ADAMTS20: variants seen among roughly 807,000 people sequenced by gnomAD.
ADAMTS20 encodes A disintegrin and metalloproteinase with thrombospondin motifs 20.
In ADAMTS20, 225 loss-of-function variants were observed where a neutral mutation model predicts 260.1. That is an observed-to-expected ratio of 0.87 (90% CI 0.78 to 0.97). ADAMTS20 has a LOEUF of 0.97. ADAMTS20 is among the 50% of genes least tolerant of loss of function. The pLI is 0.00. For synonymous variants in ADAMTS20, 802 were observed against 769.5 expected, an observed-to-expected ratio of 1.04 and a Z score of -0.70; for missense variants, 2,400 against 2,337.7, an observed-to-expected ratio of 1.03 and a Z score of -0.55.
rs574379380 is a variant in ADAMTS20, at chr12:43,371,475, A to AG, written c.5447-2095dup. Among the ~76,000 whole-genome samples the AG allele has an allele frequency of 2.6e-5, 4 of 152,324 alleles. No homozygotes were observed. In the South Asian group the frequency reaches 8.3e-4, roughly 32 times the overall value. On this transcript the variant is annotated intron_variant, in intron 36 of 38. Coordinates refer to ENST00000389420, the MANE Select transcript of ADAMTS20 (RefSeq NM_025003.5). ...TATAAAACAAATATTACAGTATGTT[A>AG]GGGGTGATACTTGCTATGGAAAGAA...
intron 7 of ADAMTS20, 45 bp from the exon 8 acceptor site, chr12:43,468,750 C>T (rs1245695677): frequency 8.9e-7 from 1 of 1,120,278 alleles, no homozygotes; most frequent in East Asian, 2.4e-5. Flanking sequence ...GAAAACACTA[C>T]CAAAATCATA....
intron 18 of ADAMTS20, among the ~76,000 whole-genome samples, chr12:43,436,719 G>C (rs1289364948): frequency 1.3e-5 from 2 of 152,076 alleles, no homozygotes; most frequent in Non-Finnish European, 2.9e-5. Flanking sequence ...ACTGAAACAA[G>C]GTGGCTAAAT....
chr12:43,449,399 T>C (rs1019878692), intron 14 of ADAMTS20, among the ~76,000 whole-genome samples: 8 of 152,016 alleles, frequency 5.3e-5, no homozygotes, highest in Non-Finnish European at 7.4e-5. Context: ...AAGCCAAATA[T>C]TACACGTTCT....
At chr12:43,517,389 T>A (rs1352644226) in intron 3 of ADAMTS20, among the ~76,000 whole-genome samples, 1 of 152,066 alleles carries the variant, frequency 6.6e-6, no homozygotes, top group Non-Finnish European at 1.5e-5. Context: ...TGCATTTTTA[T>A]ATAGAATAAA....
At chr12:43,488,781 G>T (rs978001925) in intron 7 of ADAMTS20, among the ~76,000 whole-genome samples, 2 of 152,068 alleles carry the variant, frequency 1.3e-5, no homozygotes, top group Non-Finnish European at 2.9e-5. Flanking sequence ...ACATTCTAAT[G>T]TATTAAAAGT....
rs1374386661 is a variant in ADAMTS20 at position 43,454,008 on chromosome 12, A to G, written c.1659T>C (p.Arg553=). The G allele has an allele frequency of 3.1e-6, 5 of 1,613,820 alleles. No individual in the cohort carries two copies. The East Asian group carries it at 6.7e-5, about 22-fold the overall frequency. Residue 553 remains arginine (R), a synonymous_variant, in exon 12 of 39, where the codon CGT becomes CGC. Transcript: ENST00000389420. The part of the protein sequence containing the change: ...GLCVNKETET[R]PVNGEWGPWE... The stretch of plus-strand genomic sequence containing the variant: ...ATGGTCCCCATTCACCATTTACAGG[A>G]CGTGTTTCCGTTTCTTTGTTTACAC...
chr12:43,431,069 T>C (rs567476225), intron 22 of ADAMTS20, among the ~76,000 whole-genome samples: 31 of 152,164 alleles, frequency 2.0e-4, no homozygotes, highest in Non-Finnish European at 4.1e-4. Context: ...ATAATCTAAA[T>C]AAAGCTGATA....
At chr12:43,472,322 A>T (rs890951589) in intron 7 of ADAMTS20, among the ~76,000 whole-genome samples, 1 of 151,746 alleles carries the variant, frequency 6.6e-6, no homozygotes, top group Non-Finnish European at 1.5e-5. Flanking sequence ...GCCTCCAAGA[A>T]ATATGGGACT....
At chr12:43,421,298 A>C (rs1362867710) in intron 28 of ADAMTS20, among the ~76,000 whole-genome samples, 2 of 150,852 alleles carry the variant, frequency 1.3e-5, no homozygotes, top group African/African-American at 4.9e-5. Flanking sequence ...AAAAAAAAAA[A>C]CTTTCTCTTT....
At chr12:43,412,833 A>G (rs1332064696) in intron 28 of ADAMTS20, among the ~76,000 whole-genome samples, 1 of 119,886 alleles carries the variant, frequency 8.3e-6, no homozygotes, top group Non-Finnish European at 1.7e-5. Flanking sequence ...TTTTTTTGAG[A>G]CAGAGTCTGG....
intron 31 of ADAMTS20, among the ~76,000 whole-genome samples, chr12:43,377,939 C>A (rs1467197767): frequency 1.3e-5 from 2 of 152,142 alleles, no homozygotes; most frequent in African/African-American, 2.4e-5. Flanking sequence ...AGCCTTAGAT[C>A]ACTGGTAACT....
At chr12:43,483,823 G>A (rs61926789) in intron 7 of ADAMTS20, among the ~76,000 whole-genome samples, 18,314 of 152,108 alleles carry the variant, frequency 0.12, 1,203 homozygotes, top group Admixed American at 0.21. Flanking sequence ...TGCTTTAGCC[G>A]CAGCCAGTTT....
intron 3 of ADAMTS20, among the ~76,000 whole-genome samples, chr12:43,520,067 A>G (rs1017732632): frequency 2.0e-5 from 3 of 152,192 alleles, no homozygotes; most frequent in African/African-American, 7.2e-5. Context: ...ATTTGCTAAT[A>G]CCTCAGTTAA....
chr12:43,407,838 T>C (rs1940947924), intron 28 of ADAMTS20, among the ~76,000 whole-genome samples: 1 of 152,162 alleles, frequency 6.6e-6, no homozygotes, highest in Non-Finnish European at 1.5e-5. Context: ...GCACTATTTG[T>C]AGCAAAAAAT....
At chr12:43,501,720 T>G (rs1317813589) in intron 4 of ADAMTS20, among the ~76,000 whole-genome samples, 1 of 152,130 alleles carries the variant, frequency 6.6e-6, no homozygotes, top group Non-Finnish European at 1.5e-5. Flanking sequence ...ATGTATAACT[T>G]AAAATATTAA....
In ADAMTS20 at chr12:43,427,456, C is replaced by A. The variant is rs752816008; in HGVS notation, c.3959G>T (p.Cys1320Phe). ...TGPWGSCSSS[C>F]SGGLQHRAVV... ...AGCCCTATGCTGAAGACCTCCAGAA[C>A]AACTGCTGGAGCACTGACAAGAATA... The change falls in exon 27 of 39, where the codon TGT (cysteine) becomes TTT (phenylalanine). Residue 1320 changes from cysteine to phenylalanine, a missense_variant. Physicochemically the swap from Cys to Phe is radical, Grantham distance 205 (BLOSUM62 -2). Coordinates refer to ENST00000389420, the MANE Select transcript of ADAMTS20 (RefSeq NM_025003.5). 1.9e-6 allele frequency: 3 copies of A among 1,611,298 alleles called. No individual in the cohort carries two copies. The highest frequency in any genetic ancestry group is 3.4e-5 in the Admixed American group (2 of 59,462).
intron 3 of ADAMTS20, among the ~76,000 whole-genome samples, chr12:43,507,856 G>A (rs1288668723): frequency 6.6e-6 from 1 of 152,122 alleles, no homozygotes; most frequent in Non-Finnish European, 1.5e-5. Flanking sequence ...TGAAGCTGGA[G>A]GCCATTATCC....
At chr12:43,528,654 A>T (rs754401809) in intron 3 of ADAMTS20, among the ~76,000 whole-genome samples, 6 of 152,084 alleles carry the variant, frequency 3.9e-5, no homozygotes, top group Non-Finnish European at 8.8e-5. Flanking sequence ...ACAAAAATCA[A>T]CTCAAGATGG....
At chr12:43,432,188 T>C (rs1300239528) in intron 21 of ADAMTS20, 116 bp downstream of exon 21, 1 of 1,178,368 alleles carries the variant, frequency 8.5e-7, no homozygotes, top group Non-Finnish European at 1.2e-6. Flanking sequence ...TTGATAATAG[T>C]TATTTACAAA....
Sources: gnomAD v4.1 joint callset for allele counts (sites outside exome capture counted in the v4.1 genomes callset) on GRCh38, gnomAD v4.1.1 for gene constraint, MANE v1.5 for transcripts, NCBI Gene and HGNC (gene_info 2026-07-23, HGNC 2026-07-21) for gene names.